MSI2: variants seen among roughly 807,000 people sequenced by gnomAD.
MSI2 encodes RNA-binding protein Musashi homolog 2.
In MSI2, 17 loss-of-function variants were observed where a neutral mutation model predicts 45.6. The ratio of observed to expected loss-of-function variants is 0.37; its 90% CI spans 0.26 to 0.56. The LOEUF (loss-of-function observed/expected upper bound fraction) is 0.56, where lower values mean the gene tolerates loss of function less well. Among genes scored for constraint, MSI2 ranks in the 20% least tolerant of loss-of-function variants. The pLI is 0.77. For synonymous variants in MSI2, 156 were observed against 158.2 expected (o/e 0.99, Z 0.11); for missense variants, 293 against 444.2 (o/e 0.66, Z 3.06).
chr17:57,672,055 T>A (rs1044353859), intron 11 of MSI2, among the ~76,000 whole-genome samples: 2 of 152,100 alleles, frequency 1.3e-5, no homozygotes, highest in East Asian at 3.9e-4. Context: ...CAGAACTGGG[T>A]GCTTATTGCC....
intron 5 of MSI2, among the ~76,000 whole-genome samples, chr17:57,380,290 AG>A (rs1181924851): frequency 6.6e-6 from 1 of 152,162 alleles, no homozygotes; most frequent in Non-Finnish European, 1.5e-5. Flanking sequence ...GTCCATGCTG[AG>A]CCCCCAGAGC....
At chr17:57,512,024 C>A (rs1170900421) in intron 6 of MSI2, among the ~76,000 whole-genome samples, 1 of 152,204 alleles carries the variant, frequency 6.6e-6, no homozygotes, top group Non-Finnish European at 1.5e-5. Context: ...ACCGTCTCCC[C>A]CAGCTAAGTT....
chr17:57,281,919 T>C (rs1182489734), intron 5 of MSI2, among the ~76,000 whole-genome samples: 1 of 152,100 alleles, frequency 6.6e-6, no homozygotes, highest in Non-Finnish European at 1.5e-5. Flanking sequence ...CTGAGTGAGA[T>C]CAAACAACCT....
chr17:57,411,214 C>T (rs1327497640), intron 6 of MSI2, among the ~76,000 whole-genome samples: 3 of 152,070 alleles, frequency 2.0e-5, no homozygotes, highest in South Asian at 2.1e-4. Flanking sequence ...ACCGTGTTGC[C>T]GAGGCTGGTC....
chr17:57,580,488 G>A (rs892059263), intron 7 of MSI2, among the ~76,000 whole-genome samples: 2 of 152,148 alleles, frequency 1.3e-5, no homozygotes, highest in Admixed American at 6.6e-5. Flanking sequence ...CTTCCACCCC[G>A]GCATTCTGTG....
chr17:57,526,474 A>G (rs897704328), intron 6 of MSI2, among the ~76,000 whole-genome samples: 3 of 151,320 alleles, frequency 2.0e-5, no homozygotes, highest in Non-Finnish European at 4.4e-5. Flanking sequence ...TGGCTCCAGG[A>G]TTGAATACCA....
intron 7 of MSI2, among the ~76,000 whole-genome samples, chr17:57,577,647 T>C (rs182587238): frequency 9.2e-5 from 14 of 152,290 alleles, no homozygotes; most frequent in Non-Finnish European, 1.9e-4. Context: ...TTGCTGAAGA[T>C]GATTAAGAAA....
intron 7 of MSI2, among the ~76,000 whole-genome samples, chr17:57,551,038 GTTA>G (rs2087291215): frequency 6.6e-6 from 1 of 152,158 alleles, no homozygotes; most frequent in African/African-American, 2.4e-5. Flanking sequence ...AGAAAGAATG[GTTA>G]TTATTCACAT....
chr17:57,303,148 G>T (rs1017311082), intron 5 of MSI2, among the ~76,000 whole-genome samples: 14 of 152,210 alleles, frequency 9.2e-5, no homozygotes, highest in African/African-American at 3.4e-4. Context: ...GCCAGGGAGG[G>T]TTCTGCTGTG....
intron 5 of MSI2, among the ~76,000 whole-genome samples, chr17:57,307,312 G>A (rs1912005323): frequency 6.6e-6 from 1 of 152,214 alleles, no homozygotes; most frequent in South Asian, 2.1e-4. Flanking sequence ...CACCCAGTCT[G>A]TTGAAGGCCT....
At chr17:57,486,777 C>CT (rs1325565230) in intron 6 of MSI2, among the ~76,000 whole-genome samples, 13 of 152,178 alleles carry the variant, frequency 8.5e-5, no homozygotes, top group Admixed American at 7.9e-4. Flanking sequence ...ACTCCTTAGA[C>CT]TTTTTAGTGT....
chr17:57,531,013 G>A lies in MSI2; in HGVS notation c.454+1289G>A, dbSNP rs1482606503. ...AGCAGTGGAGAAGCAGGGAGAGAAA[G>A]GAGGGGCATGCAGGTGTGGAATGAT... On this transcript the variant is annotated intron_variant, in intron 7 of 13. Coordinates refer to ENST00000284073, the MANE Select transcript of MSI2 (RefSeq NM_138962.4). 2.6e-5 allele frequency among the ~76,000 whole-genome samples: 4 copies of A among 152,114 alleles called. No individual in the cohort carries two copies. In the East Asian group the frequency reaches 5.8e-4, roughly 22 times the overall value.
chr17:57,544,139 G>A (rs1192994950), intron 7 of MSI2, among the ~76,000 whole-genome samples: 2 of 152,130 alleles, frequency 1.3e-5, no homozygotes, highest in Non-Finnish European at 2.9e-5. Flanking sequence ...TTGTGTGTAG[G>A]TAGGAGGGTG....
At chr17:57,512,267 A>AT (rs535390058) in intron 6 of MSI2, among the ~76,000 whole-genome samples, 17 of 150,936 alleles carry the variant, frequency 1.1e-4, no homozygotes, top group Admixed American at 5.3e-4. Context: ...GAGTTGATTA[A>AT]TTTTTTTTTT....
intron 5 of MSI2, among the ~76,000 whole-genome samples, chr17:57,349,789 A>T (rs1817684515): frequency 6.6e-6 from 1 of 152,258 alleles, no homozygotes; most frequent in Admixed American, 6.5e-5. Flanking sequence ...AGTCATGGTA[A>T]GCTTAGCAAG....
intron 5 of MSI2, among the ~76,000 whole-genome samples, chr17:57,344,407 C>T (rs537438507): frequency 4.6e-5 from 7 of 152,318 alleles, no homozygotes; most frequent in South Asian, 4.1e-4. Context: ...GATCCTGCGC[C>T]GGAGTTTATT....
intron 5 of MSI2, among the ~76,000 whole-genome samples, chr17:57,375,422 A>G (rs1206346767): frequency 6.6e-6 from 1 of 152,194 alleles, no homozygotes; most frequent in African/African-American, 2.4e-5. Flanking sequence ...AGAGGCATTT[A>G]TTTTCCTATT....
At chr17:57,563,493 G>A (rs2087638534) in intron 7 of MSI2, among the ~76,000 whole-genome samples, 1 of 152,166 alleles carries the variant, frequency 6.6e-6, no homozygotes, top group African/African-American at 2.4e-5. Context: ...TCCCAGGCAA[G>A]CTAGAACCAA....
At chr17:57,661,593 G>C (rs757156317) in intron 11 of MSI2, among the ~76,000 whole-genome samples, 1 of 152,196 alleles carries the variant, frequency 6.6e-6, no homozygotes, top group African/African-American at 2.4e-5. Flanking sequence ...GGCTGGGCTC[G>C]TGACCTGGAG....
Sources: allele counts gnomAD v4.1 joint callset (sites outside exome capture counted in the v4.1 genomes callset), GRCh38; gene constraint gnomAD v4.1.1; transcripts MANE v1.5; gene names NCBI Gene and HGNC (gene_info 2026-07-23, HGNC 2026-07-21).